SCAF4: variants seen among roughly 807,000 people sequenced by gnomAD.
The protein encoded by SCAF4 is SR-related CTD associated factor 4.
A neutral mutation model predicts 129.8 loss-of-function variants in SCAF4; 25 were observed. The ratio of observed to expected loss-of-function variants is 0.19; its 90% CI spans 0.14 to 0.27. The LOEUF (loss-of-function observed/expected upper bound fraction) is 0.27. Ranked by LOEUF, SCAF4 falls within the 10% of genes least tolerant of loss-of-function variation. The probability of loss-of-function intolerance (pLI) is 1.00; values close to 1 mark genes in which losing one functional copy is unlikely to be tolerated. For synonymous variants in SCAF4, 551 were observed against 497.7 expected (o/e 1.11, Z -1.43); for missense variants, 1,246 against 1,457.1 (o/e 0.86, Z 2.36).
intron 5 of SCAF4, 118 bp downstream of exon 5, chr21:31,702,126 A>G (rs1027155379): frequency 9.3e-5 from 131 of 1,414,302 alleles, no homozygotes; most frequent in Non-Finnish European, 1.1e-4. Context: ...ATACCTTCCA[A>G]GATGTAAACT....
At chr21:31,716,578 C>T (rs2050925009) in intron 1 of SCAF4, among the ~76,000 whole-genome samples, 1 of 152,128 alleles carries the variant, frequency 6.6e-6, no homozygotes, top group African/African-American at 2.4e-5. Context: ...TATAACAAAG[C>T]ACACGCTAAA....
chr21:31,727,325 G>A (rs755528969), intron 1 of SCAF4, among the ~76,000 whole-genome samples: 3 of 151,748 alleles, frequency 2.0e-5, no homozygotes, highest in South Asian at 2.1e-4. Context: ...TGATTCACCC[G>A]CCTTGGGCTC....
At chr21:31,699,039 A>T (rs2123567385) in intron 7 of SCAF4, among the ~76,000 whole-genome samples, 1 of 152,314 alleles carries the variant, frequency 6.6e-6, no homozygotes, top group South Asian at 2.1e-4. Context: ...TTTGAAAAAG[A>T]GTGAAGTGGG....
rs1337044424 is a variant in SCAF4 at position 31,717,892 on chromosome 21, T to C, written c.31-11535A>G. ...ACACATATACACATATATACACATATATACACATATATACACACACACACA... is the reference window on the plus strand; with the variant it reads ...ACACATATACACATATATACACATACATACACATATATACACACACACACA... On this transcript the variant is annotated intron_variant, in intron 1 of 19. Coordinates refer to ENST00000286835, the MANE Select transcript of SCAF4 (RefSeq NM_020706.2). Among the ~76,000 whole-genome samples the C allele has an allele frequency of 3.9e-3, 422 of 108,508 alleles. 6 individuals are homozygous for C. Among genetic ancestry groups the C allele is most frequent in the African/African-American group, 0.017 (413 of 24,830 alleles). The allele number at this position is 108,508 out of a possible 152,430, so 71.2% of individuals were successfully genotyped here.
intron 15 of SCAF4, among the ~76,000 whole-genome samples, chr21:31,688,972 A>C (rs977970618): frequency 1.3e-5 from 2 of 152,248 alleles, no homozygotes; most frequent in Non-Finnish European, 2.9e-5. Context: ...CTTCTAGTCA[A>C]GTGAAAACAA....
At position 31,732,067 on chromosome 21, in the gene SCAF4, T is replaced by C. The variant is rs554679639; in HGVS notation, c.-375A>G. On this transcript the variant is annotated 5_prime_UTR_variant, in exon 1 of 20. Transcript: ENST00000286835. ...GAGCGGGCGGGCCTCTCTCTCCCTC[T>C]CTCCAGCGGGATGGCGGCAGCGGCC... The C allele has an allele frequency of 1.5e-5, 6 of 411,704 alleles. No individual in the cohort carries two copies. The East Asian group carries it at 1.8e-4, about 12-fold the overall frequency. 25.5% of individuals were successfully genotyped at this position (411,704 alleles called of 1,614,324 possible).
rs371011578 is a variant in SCAF4, at chr21:31,693,338, C to T, written c.1469G>A (p.Arg490His). 6 of 1,528,040 alleles carry T rather than the reference C, an allele frequency of 3.9e-6. No individual in the cohort carries two copies. The highest frequency in any genetic ancestry group is 1.8e-5 in the Admixed American group (1 of 55,984). 94.7% of individuals were successfully genotyped at this position (1,528,040 alleles called of 1,614,324 possible). The change falls in exon 12 of 20, where the codon CGT becomes CAT. Residue 490 changes from arginine to histidine, a missense_variant. Physicochemically the swap from Arg to His is conservative, Grantham distance 29. Around this residue, in one of 6 missense-constraint regions of SCAF4, gnomAD observed 468 missense variants for 605.5 expected, o/e 0.77. Transcript: ENST00000286835. Reference protein sequence around the residue: ...ERRDREKERERRQKGLPQVKP... With the variant: ...ERRDREKEREHRQKGLPQVKP... ...CACTTGAGGGAGGCCTTTTTGTCGA[C>T]GTTCTCTCTCTTTTTCTCGATCCCG...
chr21:31,717,992 G>C (rs1411246933), intron 1 of SCAF4, among the ~76,000 whole-genome samples: 1 of 151,282 alleles, frequency 6.6e-6, no homozygotes, highest in African/African-American at 2.4e-5. Flanking sequence ...TGCCCAGGCT[G>C]GAGTGCAATG....
chr21:31,682,500 T>C (rs1408000327), intron 19 of SCAF4, among the ~76,000 whole-genome samples: 1 of 152,316 alleles, frequency 6.6e-6, no homozygotes, highest in East Asian at 1.9e-4. Flanking sequence ...AAATAACATC[T>C]ATGACATTTC....
intron 11 of SCAF4, among the ~76,000 whole-genome samples, chr21:31,693,975 C>T (rs538922663): frequency 6.6e-6 from 1 of 151,884 alleles, no homozygotes; most frequent in East Asian, 1.9e-4. Flanking sequence ...CTTCAAAATT[C>T]CGTTACATCT....
chr21:31,696,810 C>A, intron 7 of SCAF4, 60 bp from the exon 8 acceptor site: 1 of 1,431,046 alleles, frequency 7.0e-7, no homozygotes, highest in Non-Finnish European at 9.6e-7. Context: ...GCACAAAAAA[C>A]TTTATGAAAA....
intron 1 of SCAF4, among the ~76,000 whole-genome samples, chr21:31,724,166 T>C (rs1289508510): frequency 1.3e-5 from 2 of 152,078 alleles, no homozygotes. Flanking sequence ...TATAATAAAT[T>C]ATAATATTGT....
At chr21:31,713,506 G>A (rs1030658212) in intron 1 of SCAF4, among the ~76,000 whole-genome samples, 1 of 152,140 alleles carries the variant, frequency 6.6e-6, no homozygotes, top group Non-Finnish European at 1.5e-5. Context: ...GAGAAAAAGA[G>A]AGAATCCTGG....
chr21:31,701,700 A>C, intron 6 of SCAF4, 76 bp downstream of exon 6: 1 of 1,445,250 alleles, frequency 6.9e-7, no homozygotes, highest in South Asian at 1.4e-5. Flanking sequence ...TGTGCTTATT[A>C]ATGAAGAATA....
chr21:31,688,499 C>A, intron 15 of SCAF4, 35 bp from the exon 16 acceptor site: 2 of 1,552,042 alleles, frequency 1.3e-6, no homozygotes, highest in Non-Finnish European at 1.8e-6. Flanking sequence ...AAGAGTTTAC[C>A]ATTTTCAGTT....
chr21:31,727,909 T>C lies in SCAF4; in HGVS notation c.30+3754A>G, dbSNP rs1856561780. On this transcript the variant is annotated intron_variant, in intron 1 of 19. Transcript: ENST00000286835. ...TTAAGTATTAGCCATAATTGATAAC[T>C]GATACTTTTTCACTACCCTTTTCAA... Among the ~76,000 whole-genome samples the C allele has an allele frequency of 2.6e-5, 3 of 113,664 alleles. No homozygotes were observed. The South Asian group carries it at 9.8e-4, about 37-fold the overall frequency. The allele number at this position is 113,664 out of a possible 152,430, so 74.6% of individuals were successfully genotyped here.
intron 1 of SCAF4, among the ~76,000 whole-genome samples, chr21:31,727,939 T>G (rs954509079): frequency 1.3e-5 from 2 of 151,984 alleles, no homozygotes; most frequent in African/African-American, 4.8e-5. Context: ...TTTCAATCTT[T>G]CACAACACTT....
intron 1 of SCAF4, chr21:31,706,736 GA>G: frequency 4.2e-6 from 1 of 236,290 alleles, no homozygotes. Flanking sequence ...AAGGGAAAGG[GA>G]GGGGGAGCAA....
intron 19 of SCAF4, among the ~76,000 whole-genome samples, chr21:31,683,189 T>C (rs528843095): frequency 1.7e-3 from 253 of 152,296 alleles, no homozygotes; most frequent in African/African-American, 5.7e-3. Flanking sequence ...CACCCGCTCA[T>C]GTAACAAATG....
Sources: allele counts gnomAD v4.1 joint callset (sites outside exome capture counted in the v4.1 genomes callset), GRCh38; gene constraint gnomAD v4.1.1; regional missense constraint gnomAD v4.1.1; transcripts MANE v1.5; gene names NCBI Gene and HGNC (gene_info 2026-07-23, HGNC 2026-07-21).